Variants in TLN2 observed in about 807,000 individuals in gnomAD.
The protein encoded by TLN2 is talin-2.
Under a neutral mutation model 294.7 loss-of-function variants are expected in TLN2, and 118 were observed. That is an observed-to-expected ratio of 0.40 (90% confidence interval 0.34 to 0.47). TLN2 has a LOEUF of 0.47. Among genes scored for constraint, TLN2 ranks in the 20% least tolerant of loss-of-function variants. TLN2 has a pLI of 0.84. For synonymous variants in TLN2, 1,431 were observed against 1,304.5 expected (o/e 1.10, Z -2.09); for missense variants, 3,083 against 3,282.2 (o/e 0.94, Z 1.48).
In TLN2 at chr15:62,650,118, C is replaced by A; in HGVS notation, c.171C>A (p.Asp57Glu). The change falls in exon 5 of 59, where the codon GAC becomes GAA. Residue 57 changes from aspartate to glutamate, a missense_variant. By Grantham distance (45) the Asp-to-Glu change is conservative. Transcript: ENST00000636159. Reference protein sequence around the residue: ...SDYGLFLSDEDPRKGIWLEAG... With the variant: ...SDYGLFLSDEEPRKGIWLEAG... ...ATGGACTCTTTCTTTCGGATGAAGA[C>A]CCGAGGAAAGGGATTTGGCTGGAAG... 1 of 1,614,098 alleles carries A rather than the reference C, an allele frequency of 6.2e-7. No homozygotes were observed. Among genetic ancestry groups the A allele is most frequent in the Non-Finnish European group, 8.5e-7 (1 of 1,180,012 alleles).
intron 1 of TLN2, among the ~76,000 whole-genome samples, chr15:62,566,260 C>T (rs1044015570): frequency 3.0e-4 from 46 of 152,192 alleles, no homozygotes; most frequent in African/African-American, 9.4e-4. Context: ...AGCGGGACAT[C>T]AGTACTTCTC....
intron 1 of TLN2, among the ~76,000 whole-genome samples, chr15:62,454,508 G>C (rs28622157): frequency 0.35 from 53,899 of 151,898 alleles, 10,102 homozygotes; most frequent in Middle Eastern, 0.43. Context: ...GTGGGGCACC[G>C]TCATGGGGTA....
chr15:62,839,021 G>C, intron 58 of TLN2, 40 bp downstream of exon 58: 2 of 1,596,190 alleles, frequency 1.3e-6, no homozygotes, highest in African/African-American at 3.0e-5. Context: ...CTTCCCGAGA[G>C]AGGTGTTGGG....
intron 1 of TLN2, among the ~76,000 whole-genome samples, chr15:62,424,338 T>C (rs1332324616): frequency 6.6e-6 from 1 of 152,290 alleles, no homozygotes; most frequent in East Asian, 1.9e-4. Flanking sequence ...TGTGAGTGGC[T>C]GAAGAAAGGA....
intron 9 of TLN2, among the ~76,000 whole-genome samples, chr15:62,673,310 CTTTTTTT>C (rs56258541): frequency 2.3e-5 from 1 of 42,856 alleles, no homozygotes; most frequent in Non-Finnish European, 4.3e-5. Context: ...TTAGATGTTG[CTTTTTTT>C]TTTTTTTTTT....
intron 1 of TLN2, among the ~76,000 whole-genome samples, chr15:62,486,424 G>A (rs1595912513): frequency 7.7e-6 from 1 of 130,464 alleles, no homozygotes; most frequent in African/African-American, 2.9e-5. Flanking sequence ...TGTCTCTTTA[G>A]TCTCTTTTAA....
Position 62,694,388 on chromosome 15 carries a change from A to C in TLN2, c.1288A>C (p.Lys430Gln). 1 of 1,614,000 alleles carries C rather than the reference A, an allele frequency of 6.2e-7. No homozygotes were observed. Among genetic ancestry groups the C allele is most frequent in the Non-Finnish European group, 8.5e-7 (1 of 1,179,904 alleles). ...CATGTTAGAAGAGTCCGTTTCCCCA[A>C]AAAAGTAAGTATTATGAAGAGTACT... ...STMLEESVSP[K>Q]KSTILQQQFN... is the part of the protein sequence containing the mutation. Residue 430 changes from lysine to glutamine, a missense_variant, in exon 14 of 59, where the codon AAA (lysine) becomes CAA (glutamine). Lys to Gln is a moderately conservative substitution (Grantham distance 53, BLOSUM62 1). Transcript: ENST00000636159.
intron 1 of TLN2, among the ~76,000 whole-genome samples, chr15:62,410,259 A>T (rs2140252122): frequency 6.6e-6 from 1 of 152,224 alleles, no homozygotes; most frequent in African/African-American, 2.4e-5. Context: ...AAAAAAGAAA[A>T]AAAAAAGGGA....
chr15:62,433,224 C>T (rs1472585311), intron 1 of TLN2, among the ~76,000 whole-genome samples: 1 of 152,130 alleles, frequency 6.6e-6, no homozygotes, highest in East Asian at 1.9e-4. Flanking sequence ...CTCACCTATA[C>T]CTGTTGCTGG....
At chr15:62,649,486 TC>T (rs2052336082) in intron 4 of TLN2, among the ~76,000 whole-genome samples, 1 of 152,148 alleles carries the variant, frequency 6.6e-6, no homozygotes, top group South Asian at 2.1e-4. Flanking sequence ...CCTTCGTACT[TC>T]CTATGTCAGA....
chr15:62,814,246 C>A (rs534694660), intron 52 of TLN2, among the ~76,000 whole-genome samples: 2 of 152,156 alleles, frequency 1.3e-5, no homozygotes, highest in Non-Finnish European at 2.9e-5. Context: ...CAGAAATATT[C>A]GCTGAAAGAA....
intron 22 of TLN2, among the ~76,000 whole-genome samples, chr15:62,714,023 T>C (rs981696552): frequency 1.3e-5 from 2 of 151,226 alleles, no homozygotes; most frequent in Non-Finnish European, 1.5e-5. Context: ...AGTCTATACA[T>C]AGATATTTGA....
At chr15:62,702,296 G>T (rs991821118) in intron 18 of TLN2, 96 bp downstream of exon 18, 31 of 1,314,620 alleles carry the variant, frequency 2.4e-5, no homozygotes, top group Non-Finnish European at 3.1e-5. Flanking sequence ...TGTTCCTTGC[G>T]TCTTGATGGG....
intron 52 of TLN2, among the ~76,000 whole-genome samples, chr15:62,816,993 A>G (rs1200901259): frequency 6.6e-6 from 1 of 152,222 alleles, no homozygotes; most frequent in African/African-American, 2.4e-5. Flanking sequence ...GCTACACACC[A>G]GAAGAATTTT....
chr15:62,443,609 A>C (rs566949932), intron 1 of TLN2, among the ~76,000 whole-genome samples: 1 of 152,344 alleles, frequency 6.6e-6, no homozygotes, highest in East Asian at 1.9e-4. Flanking sequence ...CATTGGAAAG[A>C]GATTAGATGA....
intron 32 of TLN2, 65 bp downstream of exon 32, chr15:62,740,834 G>A: frequency 1.3e-6 from 2 of 1,594,982 alleles, no homozygotes; most frequent in Admixed American, 1.7e-5. Flanking sequence ...CTGAAGATGT[G>A]CCTGACATCC....
intron 1 of TLN2, among the ~76,000 whole-genome samples, chr15:62,545,306 A>G (rs769901488): frequency 1.1e-4 from 17 of 152,126 alleles, no homozygotes; most frequent in Non-Finnish European, 2.2e-4. Context: ...TACATTTCTT[A>G]ACTCTTCCAA....
intron 35 of TLN2, 152 bp from the exon 36 acceptor site, chr15:62,753,621 C>A: frequency 1.2e-6 from 1 of 849,618 alleles, no homozygotes. Flanking sequence ...ATTATTACAC[C>A]CTTATTGGTG....
Position 62,740,917 on chromosome 15 carries a change from C to G in TLN2, c.4025+148C>G, listed in dbSNP as rs983616887. ...GAGGTGGAGCTGAGAGTGATGGACACTCTGATATTTTATAAAACTGGCTCA... is the reference window on the plus strand; with the variant it reads ...GAGGTGGAGCTGAGAGTGATGGACAGTCTGATATTTTATAAAACTGGCTCA... On this transcript the variant is annotated intron_variant, in intron 32 of 58. Coordinates refer to ENST00000636159, the MANE Select transcript of TLN2 (RefSeq NM_015059.3). 86 of 977,254 alleles carry G rather than the reference C, an allele frequency of 8.8e-5. 1 individual carries two copies. The African/African-American group carries it at 1.1e-3, about 13-fold the overall frequency. 60.5% of individuals were successfully genotyped at this position (977,254 alleles called of 1,614,324 possible).
Sources: allele counts gnomAD v4.1 joint callset (sites outside exome capture counted in the v4.1 genomes callset), GRCh38; gene constraint gnomAD v4.1.1; transcripts MANE v1.5; gene names NCBI Gene and HGNC (gene_info 2026-07-23, HGNC 2026-07-21).